The following MTCL1 variants were observed in gnomAD, a reference collection of about 807,000 sequenced individuals.
MTCL1 encodes the protein microtubule cross-linking factor 1.
A neutral mutation model predicts 141.4 loss-of-function variants in MTCL1; 79 were observed. The observed-to-expected ratio is 0.56, with a 90% CI of 0.47 to 0.67. MTCL1 has a LOEUF of 0.67. MTCL1 is among the 30% of genes least tolerant of loss of function. The pLI is 0.00. For synonymous variants in MTCL1, 914 were observed against 875.8 expected (o/e 1.04, Z -0.77); for missense variants, 2,177 against 2,113.9 (o/e 1.03, Z -0.59).
rs1289657195 is a variant in MTCL1, at chr18:8,828,905, C to T, written c.4723-3C>T. ...CTTTTCTTTCTCTGTCTGTTCTGTC[C>T]AGAACCAAACTGTCTTGCTAACTGC... On this transcript the variant is annotated splice_region_variant and splice_polypyrimidine_tract_variant and intron_variant, in intron 15 of 16. Coordinates refer to ENST00000359865, the Ensembl canonical transcript of MTCL1. This position sits in a 1 kb window ranked among gnomAD's most constrained non-coding sequence, Gnocchi z 5.2. 6.2e-6 allele frequency: 10 copies of T among 1,614,094 alleles called. No homozygotes were observed. The highest frequency in any genetic ancestry group is 8.5e-6 in the Non-Finnish European group (10 of 1,180,048).
chr18:8,830,613 C>CA lies in MTCL1; in HGVS notation c.*19-993dup. ...TCACATCTTTTTAAATCCTCCAACT[C>CA]ACTTCCTTTCTTTGAGGGTCCTTGT... is the stretch of plus-strand genomic sequence containing the variant. On this transcript the variant is annotated intron_variant, in intron 16 of 16. Transcript: ENST00000359865. This position sits in a 1 kb window ranked among gnomAD's most constrained non-coding sequence, Gnocchi z 6.4. 1.0e-6 allele frequency: 1 copy of CA among 985,842 alleles called. No homozygotes were observed. The highest frequency in any genetic ancestry group is 1.2e-6 in the Non-Finnish European group (1 of 830,216). 61.1% of individuals were successfully genotyped at this position (985,842 alleles called of 1,614,324 possible). A position where few individuals can be genotyped will look rare whatever the true frequency, so the allele number is the denominator to read the frequency against.
chr18:8,706,498 C>T, exon 1 of MTCL1: 2 of 1,300,702 alleles, frequency 1.5e-6, no homozygotes, highest in Non-Finnish European at 1.9e-6. Flanking sequence ...GGGCGCCTGT[C>T]CCGGGGGCCG....
chr18:8,768,222 T>C (rs1031432017), intron 4 of MTCL1, among the ~76,000 whole-genome samples: 4 of 152,270 alleles, frequency 2.6e-5, no homozygotes, highest in African/African-American at 7.2e-5. Context: ...CCCATCTTTT[T>C]ATTCATTTAC....
chr18:8,762,725 G>A (rs560104774), intron 4 of MTCL1, among the ~76,000 whole-genome samples: 32 of 152,284 alleles, frequency 2.1e-4, no homozygotes, highest in East Asian at 7.7e-4. Flanking sequence ...AGAAGACATC[G>A]GCACACACAG....
chr18:8,805,767 C>G (rs1868367678), intron 10 of MTCL1, among the ~76,000 whole-genome samples: 1 of 152,096 alleles, frequency 6.6e-6, no homozygotes, highest in Non-Finnish European at 1.5e-5. Context: ...CATACATGCA[C>G]CAAAAAAGAA....
intron 4 of MTCL1, 93 bp downstream of exon 3, chr18:8,720,589 G>C: frequency 7.6e-7 from 1 of 1,318,002 alleles, no homozygotes. Context: ...GTCGAAAGCT[G>C]GGGTTGGCAA....
At chr18:8,781,716 T>C (rs2096533239) in intron 5 of MTCL1, among the ~76,000 whole-genome samples, 1 of 152,226 alleles carries the variant, frequency 6.6e-6, no homozygotes, top group Non-Finnish European at 1.5e-5. Context: ...TGTGGTTAAG[T>C]GAGCATTCCT....
At chr18:8,706,116 G>A in exon 1 of MTCL1, 2 of 1,211,600 alleles carry the variant, frequency 1.7e-6, no homozygotes, top group Admixed American at 4.4e-5. Context: ...GAGCCGAGCC[G>A]CCGTCTGCCG....
intron 4 of MTCL1, among the ~76,000 whole-genome samples, chr18:8,764,382 A>G (rs1399694551): frequency 6.6e-6 from 1 of 151,646 alleles, no homozygotes; most frequent in African/African-American, 2.4e-5. Context: ...CGGTGGTGCA[A>G]TCTTGGCTCA....
At chr18:8,778,706 C>A (rs1417846116) in intron 5 of MTCL1, among the ~76,000 whole-genome samples, 2 of 152,224 alleles carry the variant, frequency 1.3e-5, no homozygotes, top group African/African-American at 4.8e-5. Context: ...TTCCCTTCCA[C>A]CCTCCCCAAC....
At chr18:8,731,339 C>T (rs181858419) in intron 4 of MTCL1, among the ~76,000 whole-genome samples, 1 of 151,994 alleles carries the variant, frequency 6.6e-6, no homozygotes, top group Non-Finnish European at 1.5e-5. Context: ...TTTAGGAGGC[C>T]GAGGCGGGCA....
intron 4 of MTCL1, among the ~76,000 whole-genome samples, chr18:8,763,009 C>G (rs1353593597): frequency 6.6e-6 from 1 of 152,148 alleles, no homozygotes; most frequent in African/African-American, 2.4e-5. Context: ...TGTTTGGTAG[C>G]TTCTATAAAG....
At chr18:8,803,697 G>A (rs2076199015) in intron 10 of MTCL1, among the ~76,000 whole-genome samples, 1 of 152,176 alleles carries the variant, frequency 6.6e-6, no homozygotes. Context: ...TCACCCCAAA[G>A]CAATTCTGGA....
intron 4 of MTCL1, among the ~76,000 whole-genome samples, chr18:8,748,284 T>C (rs2096351590): frequency 6.6e-6 from 1 of 151,990 alleles, no homozygotes. Context: ...CAACACTAAA[T>C]ATATTCGTAT....
chr18:8,758,172 C>T lies in MTCL1; in HGVS notation c.358-19661C>T, dbSNP rs1156920655. Among the ~76,000 whole-genome samples the T allele has an allele frequency of 2.6e-5, 4 of 152,084 alleles. No individual in the cohort carries two copies. The East Asian group carries it at 7.7e-4, about 29-fold the overall frequency. ...CCGAGTAGCTGGGATTACAGGCATGCACCACCATGCCTGGCTAATTTTGTA... is the reference window on the plus strand; with the variant it reads ...CCGAGTAGCTGGGATTACAGGCATGTACCACCATGCCTGGCTAATTTTGTA... On this transcript the variant is annotated intron_variant, in intron 4 of 16. Transcript: ENST00000359865.
At chr18:8,785,755 T>C in intron 6 of MTCL1, 181 bp from the exon 6 acceptor site, 1 of 698,596 alleles carries the variant, frequency 1.4e-6, no homozygotes, top group Non-Finnish European at 2.4e-6. Context: ...CTTACACCAC[T>C]GTCTTTAAGC....
intron 12 of MTCL1, among the ~76,000 whole-genome samples, chr18:8,817,751 A>G (rs1050918413): frequency 6.6e-6 from 1 of 152,240 alleles, no homozygotes; most frequent in Non-Finnish European, 1.5e-5. Flanking sequence ...GGTCAAATCC[A>G]AATGTCACTT....
chr18:8,761,522 G>A (rs1411644464), intron 4 of MTCL1, among the ~76,000 whole-genome samples: 2 of 152,116 alleles, frequency 1.3e-5, no homozygotes, highest in African/African-American at 4.8e-5. Context: ...TCACCCTGGT[G>A]ACCTCTGTTC....
chr18:8,720,434 C>A, exon 4 of MTCL1: 1 of 1,614,070 alleles, frequency 6.2e-7, no homozygotes, highest in African/African-American at 1.3e-5. Flanking sequence ...TCTCCGACAG[C>A]AGATGATTGA....
Sources: gnomAD v4.1 joint callset for allele counts (sites outside exome capture counted in the v4.1 genomes callset) on GRCh38, gnomAD v4.1.1 for gene constraint, Gnocchi (gnomAD v3.1) non-coding constraint, MANE v1.5 for transcripts, NCBI Gene and HGNC (gene_info 2026-07-23, HGNC 2026-07-21) for gene names.